The following TENM1 variants were observed in gnomAD, a reference collection of about 807,000 sequenced individuals.
TENM1 encodes teneurin-1.
In TENM1, 35 loss-of-function variants were observed where a neutral mutation model predicts 174.8. That is an observed-to-expected ratio of 0.20 (90% confidence interval 0.15 to 0.27). The LOEUF (loss-of-function observed/expected upper bound fraction) is 0.27, where lower values mean the gene tolerates loss of function less well. TENM1 is among the 10% of genes least tolerant of loss of function. TENM1 has a pLI of 1.00. For missense variants in TENM1, 1,633 were observed against 2,130.1 expected (o/e 0.77, Z 4.59); for synonymous variants, 781 against 798.7 (o/e 0.98, Z 0.37).
At chrX:124,813,326 T>C (rs769734327) in intron 3 of TENM1, among the ~76,000 whole-genome samples, 1 of 111,864 alleles carries the variant, frequency 8.9e-6, no homozygotes, top group African/African-American at 3.2e-5. Flanking sequence ...AAGAAACAAG[T>C]ACTCTCACAA....
chrX:124,667,806 T>C (rs1027596651), intron 6 of TENM1, among the ~76,000 whole-genome samples: 2 of 111,044 alleles, frequency 1.8e-5, no homozygotes, highest in African/African-American at 6.6e-5. Flanking sequence ...AAATACTCTT[T>C]TTCTTTCATT....
chrX:124,395,940 T>C (rs765636004), intron 27 of TENM1, among the ~76,000 whole-genome samples: 4 of 111,982 alleles, frequency 3.6e-5, no homozygotes, highest in Non-Finnish European at 7.5e-5. Context: ...ATTTGTCTGA[T>C]AGATTAAGTT....
At chrX:124,845,755 G>A (rs1431718931) in intron 3 of TENM1, among the ~76,000 whole-genome samples, 1 of 110,076 alleles carries the variant, frequency 9.1e-6, no homozygotes, top group African/African-American at 3.3e-5. Context: ...TACAGGGTGT[G>A]ATGGGGCATG....
rs1286883263 is a variant in TENM1 at position 124,822,939 on chromosome X, T to C, written c.535+71357A>G. Among the ~76,000 whole-genome samples the C allele has an allele frequency of 1.2e-4, 14 of 112,346 alleles. No homozygotes were observed. In the East Asian group the frequency reaches 3.1e-3, roughly 25 times the overall value. On this transcript the variant is annotated intron_variant, in intron 3 of 31. Coordinates refer to ENST00000422452, the Ensembl canonical transcript of TENM1. ...TATGTCTTATGTTTCCAGAATTTCA[T>C]AGTAACCAAGAAGATATAGGAAAGT...
chrX:124,525,751 G>C (rs1028356769), intron 16 of TENM1, among the ~76,000 whole-genome samples: 1 of 111,444 alleles, frequency 9.0e-6, no homozygotes, highest in Non-Finnish European at 1.9e-5. Flanking sequence ...TTGTGTCTTT[G>C]GGCTAGTTAT....
chrX:125,136,202 C>G, the TENM1 span, among the ~76,000 whole-genome samples: 64 of 110,904 alleles, frequency 5.8e-4, no homozygotes, highest in Non-Finnish European at 1.0e-3. Flanking sequence ...TTGTTAAACT[C>G]TGGGTGTAAG....
chrX:125,193,974 G>T, the TENM1 span, among the ~76,000 whole-genome samples: 1 of 110,175 alleles, frequency 9.1e-6, no homozygotes, highest in African/African-American at 3.3e-5. Context: ...AAAAGAGATG[G>T]GGTCTCACTA....
At chrX:124,469,026 G>A (rs1039067749) in intron 22 of TENM1, among the ~76,000 whole-genome samples, 5 of 111,395 alleles carry the variant, frequency 4.5e-5, no homozygotes, top group Non-Finnish European at 9.4e-5. Flanking sequence ...TTATGCATGT[G>A]TGTACTTGTG....
At chrX:125,155,936 T>C in the TENM1 span, among the ~76,000 whole-genome samples, 2 of 112,638 alleles carry the variant, frequency 1.8e-5, no homozygotes, top group Non-Finnish European at 3.8e-5. Context: ...GAAGGGCTCC[T>C]CAGGTGCCGC....
intron 23 of TENM1, among the ~76,000 whole-genome samples, chrX:124,442,771 C>G (rs1343231589): frequency 9.0e-6 from 1 of 110,844 alleles, no homozygotes; most frequent in Non-Finnish European, 1.9e-5. Context: ...AGGTGATCCT[C>G]CCAACTTAGC....
chrX:124,390,823 C>T (rs1036213633), intron 28 of TENM1, among the ~76,000 whole-genome samples: 5 of 112,095 alleles, frequency 4.5e-5, no homozygotes, highest in Non-Finnish European at 9.4e-5. Context: ...CACGGTTTTG[C>T]CAATCATTCT....
At chrX:124,391,003 C>T (rs2147615618) in intron 28 of TENM1, among the ~76,000 whole-genome samples, 2 of 112,333 alleles carry the variant, frequency 1.8e-5, no homozygotes, top group East Asian at 5.6e-4. Context: ...TCTGCTTCAT[C>T]TCCAGGCATT....
intron 3 of TENM1, among the ~76,000 whole-genome samples, chrX:124,871,634 T>G (rs1318109080): frequency 8.9e-6 from 1 of 111,738 alleles, no homozygotes; most frequent in Admixed American, 9.5e-5. Flanking sequence ...GGCTGAGAAA[T>G]AAATTTGAGA....
At chrX:124,677,250 TATG>T (rs1235888672) in intron 5 of TENM1, among the ~76,000 whole-genome samples, 1 of 111,283 alleles carries the variant, frequency 9.0e-6, no homozygotes, top group East Asian at 2.8e-4. Flanking sequence ...CACAAAGAGA[TATG>T]ATGTTTCTCT....
the TENM1 span, among the ~76,000 whole-genome samples, chrX:125,060,589 C>A: frequency 9.0e-6 from 1 of 110,941 alleles, no homozygotes; most frequent in African/African-American, 3.3e-5. Flanking sequence ...CCCCAAACTA[C>A]TTTATAATAT....
chrX:124,913,761 G>T (rs183731393), intron 1 of TENM1, among the ~76,000 whole-genome samples: 174 of 111,907 alleles, frequency 1.6e-3, no homozygotes, highest in Non-Finnish European at 1.6e-3. Flanking sequence ...ACAGGCATAT[G>T]CTTATACCAA....
intron 1 of TENM1, among the ~76,000 whole-genome samples, chrX:124,951,250 G>C (rs1369526725): frequency 9.0e-6 from 1 of 111,369 alleles, no homozygotes; most frequent in Admixed American, 9.6e-5. Context: ...ATAAAAATGA[G>C]ACAAATATCA....
intron 1 of TENM1, among the ~76,000 whole-genome samples, chrX:124,955,126 A>G (rs922644641): frequency 1.8e-5 from 2 of 111,695 alleles, no homozygotes; most frequent in African/African-American, 6.5e-5. Context: ...ATTCACTTGC[A>G]CTCACCCTTC....
intron 11 of TENM1, among the ~76,000 whole-genome samples, chrX:124,623,314 T>A (rs1446076634): frequency 9.0e-6 from 1 of 110,955 alleles, no homozygotes; most frequent in African/African-American, 3.3e-5. Context: ...TGAGAGTGTA[T>A]AAGGGTTGTT....
Sources: gnomAD v4.1 joint callset for allele counts (sites outside exome capture counted in the v4.1 genomes callset) on GRCh38, gnomAD v4.1.1 for gene constraint, MANE v1.5 for transcripts, NCBI Gene and HGNC (gene_info 2026-07-23, HGNC 2026-07-21) for gene names.